The following CDK8 variants were observed in gnomAD, a reference collection of about 807,000 sequenced individuals.
CDK8 encodes cyclin-dependent kinase 8.
A neutral mutation model predicts 71.5 loss-of-function variants in CDK8; 29 were observed. The observed-to-expected ratio is 0.41, with a 90% confidence interval of 0.30 to 0.55. The LOEUF (loss-of-function observed/expected upper bound fraction) is 0.55, where lower values mean the gene tolerates loss of function less well. Among genes scored for constraint, CDK8 ranks in the 20% least tolerant of loss-of-function variants. The pLI is 0.37. For missense variants in CDK8, 288 were observed against 572.6 expected (o/e 0.50, Z 5.07); for synonymous variants, 161 against 192.1 (o/e 0.84, Z 1.34).
intron 6 of CDK8, among the ~76,000 whole-genome samples, chr13:26,388,253 T>TA (rs1491162227): frequency 1.3e-5 from 2 of 152,242 alleles, no homozygotes; most frequent in Non-Finnish European, 2.9e-5. Context: ...TTCTCTATAC[T>TA]ATCTTTGTAA....
intron 1 of CDK8, among the ~76,000 whole-genome samples, chr13:26,334,484 C>A (rs10161681): frequency 0.035 from 5,400 of 152,164 alleles, 315 homozygotes; most frequent in African/African-American, 0.12. Context: ...AGAAACCATT[C>A]AGACAGTGAA....
At chr13:26,393,597 T>G in intron 7 of CDK8, 87 bp downstream of exon 7, 2 of 1,304,112 alleles carry the variant, frequency 1.5e-6, no homozygotes, top group Non-Finnish European at 2.1e-6. Flanking sequence ...TATTTTTAGC[T>G]GATGGAAGCT....
intron 1 of CDK8, among the ~76,000 whole-genome samples, chr13:26,319,014 T>A (rs899965830): frequency 6.6e-6 from 1 of 152,112 alleles, no homozygotes; most frequent in African/African-American, 2.4e-5. Flanking sequence ...ATCTTATATA[T>A]AGAAAACCTT....
intron 1 of CDK8, among the ~76,000 whole-genome samples, chr13:26,321,261 C>G (rs1487884935): frequency 6.6e-6 from 1 of 152,030 alleles, no homozygotes; most frequent in Non-Finnish European, 1.5e-5. Context: ...GGACATTTTG[C>G]TTAAGTGAAA....
intron 2 of CDK8, among the ~76,000 whole-genome samples, chr13:26,345,409 C>G (rs141321015): frequency 1.8e-3 from 274 of 152,052 alleles, no homozygotes; most frequent in Non-Finnish European, 3.2e-3. Context: ...TGAGATGGAG[C>G]CTCACTCTGT....
At chr13:26,392,962 G>A (rs531579778) in intron 6 of CDK8, among the ~76,000 whole-genome samples, 19 of 152,204 alleles carry the variant, frequency 1.2e-4, no homozygotes, top group Middle Eastern at 3.4e-3. Flanking sequence ...TGGGTTTTCC[G>A]TTTGTTTTTG....
At chr13:26,344,901 G>A (rs527572831) in intron 2 of CDK8, among the ~76,000 whole-genome samples, 1 of 151,980 alleles carries the variant, frequency 6.6e-6, no homozygotes, top group Admixed American at 6.6e-5. Flanking sequence ...CTCTACAATA[G>A]TGATAAAAAG....
At chr13:26,349,258 G>A in intron 3 of CDK8, 76 bp downstream of exon 3, 2 of 797,258 alleles carry the variant, frequency 2.5e-6, no homozygotes, top group South Asian at 3.1e-5. Context: ...TAGGTGTTCT[G>A]CTTATTATGA....
chr13:26,255,284 G>C (rs1246083358), intron 1 of CDK8, among the ~76,000 whole-genome samples: 1 of 152,162 alleles, frequency 6.6e-6, no homozygotes, highest in Non-Finnish European at 1.5e-5. Context: ...TCTGGAGAGA[G>C]TTCCCCATAG....
At chr13:26,322,684 T>G (rs760438008) in intron 1 of CDK8, among the ~76,000 whole-genome samples, 26 of 152,138 alleles carry the variant, frequency 1.7e-4, no homozygotes, top group Non-Finnish European at 3.7e-4. Context: ...ATAGCAAAAT[T>G]TATAGTTTTG....
chr13:26,376,330 A>T (rs1216136317), intron 4 of CDK8, among the ~76,000 whole-genome samples: 1 of 152,126 alleles, frequency 6.6e-6, no homozygotes, highest in Non-Finnish European at 1.5e-5. Context: ...GGTCTCCTTG[A>T]TGTTATTCAG....
At chr13:26,324,161 G>T (rs1874918127) in intron 1 of CDK8, among the ~76,000 whole-genome samples, 1 of 152,192 alleles carries the variant, frequency 6.6e-6, no homozygotes, top group Non-Finnish European at 1.5e-5. Context: ...AAATAGAAAA[G>T]TTTGTGGTCA....
intron 1 of CDK8, among the ~76,000 whole-genome samples, chr13:26,273,664 A>AT (rs549073223): frequency 6.7e-6 from 1 of 150,368 alleles, no homozygotes; most frequent in South Asian, 2.1e-4. Context: ...TGCTTTAAAA[A>AT]ATATATATAT....
At chr13:26,292,854 CTTGT>C (rs1302030387) in intron 1 of CDK8, among the ~76,000 whole-genome samples, 2 of 152,188 alleles carry the variant, frequency 1.3e-5, no homozygotes, top group East Asian at 1.9e-4. Context: ...CTGTGTATAA[CTTGT>C]TTGTCTTCTA....
Position 26,385,230 on chromosome 13 carries a change from A to G in CDK8, c.534A>G (p.Arg178=), listed in dbSNP as rs776706216. 57 of 1,610,048 alleles carry G rather than the reference A, an allele frequency of 3.5e-5. No homozygotes were observed. Among genetic ancestry groups the G allele is most frequent in the East Asian group, 6.7e-5 (3 of 44,850 alleles). ...RVKIADMGFA[R]LFNSPLKPLA... ...TTACAGCTGACATGGGCTTTGCCCG[A>G]TTATTTAATTCACCTTTGAAGCCTT... The change falls in exon 6 of 13, where the codon CGA becomes CGG. Residue 178 remains arginine, a synonymous_variant. Transcript: ENST00000381527.
chr13:26,268,946 G>T (rs1194460534), intron 1 of CDK8, among the ~76,000 whole-genome samples: 2 of 152,038 alleles, frequency 1.3e-5, no homozygotes, highest in Non-Finnish European at 2.9e-5. Context: ...TCCTACTCCT[G>T]ATTTTTTTCC....
At chr13:26,381,138 T>C (rs1486531582) in intron 4 of CDK8, among the ~76,000 whole-genome samples, 1 of 152,210 alleles carries the variant, frequency 6.6e-6, no homozygotes, top group Non-Finnish European at 1.5e-5. Flanking sequence ...GGAGTCCTGC[T>C]CTGAAGAACC....
At chr13:26,264,549 G>A (rs963990750) in intron 1 of CDK8, among the ~76,000 whole-genome samples, 3 of 152,164 alleles carry the variant, frequency 2.0e-5, no homozygotes, top group South Asian at 2.1e-4. Flanking sequence ...TGGGGCACAC[G>A]AGAAATTTTC....
intron 1 of CDK8, among the ~76,000 whole-genome samples, chr13:26,294,806 G>A (rs183616775): frequency 8.7e-4 from 132 of 152,230 alleles, no homozygotes; most frequent in East Asian, 2.3e-3. Flanking sequence ...CTGGAGTGCT[G>A]TGGTATGATC....
Sources: gnomAD v4.1 joint callset for allele counts (sites outside exome capture counted in the v4.1 genomes callset) on GRCh38, gnomAD v4.1.1 for gene constraint, MANE v1.5 for transcripts, NCBI Gene and HGNC (gene_info 2026-07-23, HGNC 2026-07-21) for gene names.